CLOCK: variants seen among roughly 807,000 people sequenced by gnomAD.
CLOCK encodes the protein circadian locomoter output cycles protein kaput.
CLOCK carries 43 observed loss-of-function variants against 118.4 expected under a neutral mutation model. The ratio of observed to expected loss-of-function variants is 0.36; its 90% CI spans 0.28 to 0.47. CLOCK has a LOEUF of 0.47. Among genes scored for constraint, CLOCK ranks in the 20% least tolerant of loss-of-function variants. The pLI is 1.00. For missense variants in CLOCK, 846 were observed against 999.9 expected (o/e 0.85, Z 2.08); for synonymous variants, 326 against 339.2 (o/e 0.96, Z 0.43).
At chr4:55,499,930 C>T (rs1728327847) in intron 2 of CLOCK, among the ~76,000 whole-genome samples, 1 of 152,206 alleles carries the variant, frequency 6.6e-6, no homozygotes, top group Non-Finnish European at 1.5e-5. Context: ...CATGCTCCAG[C>T]TTCCAGAGTT....
chr4:55,483,598 T>G (rs1482464915), intron 3 of CLOCK, among the ~76,000 whole-genome samples: 2 of 152,052 alleles, frequency 1.3e-5, no homozygotes, highest in Non-Finnish European at 2.9e-5. Flanking sequence ...CAGAAACAGA[T>G]AATAGGTGAA....
chr4:55,525,294 C>T (rs1730110303), intron 1 of CLOCK, among the ~76,000 whole-genome samples: 1 of 152,228 alleles, frequency 6.6e-6, no homozygotes, highest in East Asian at 1.9e-4. Flanking sequence ...GCCACATACC[C>T]TGTTCTTTAG....
chr4:55,446,252 C>G (rs924995665), intron 18 of CLOCK, among the ~76,000 whole-genome samples: 3 of 151,970 alleles, frequency 2.0e-5, no homozygotes, highest in Admixed American at 2.0e-4. Context: ...TGCCACCATG[C>G]CCGGCTAATG....
intron 22 of CLOCK, among the ~76,000 whole-genome samples, chr4:55,436,216 T>C (rs1346540967): frequency 1.3e-5 from 2 of 152,164 alleles, no homozygotes; most frequent in African/African-American, 4.8e-5. Context: ...AAAAGCATCA[T>C]AAATATGAAG....
In CLOCK at chr4:55,478,895, G is replaced by A; in HGVS notation, c.176C>T (p.Ser59Phe). ...QFNVLIKELG[S>F]MLPGNARKMD... ...CTTTCTAGCATTACCAGGAAGCATG[G>A]ATCCCAGTTCTTTAATGAGAACATT... is the stretch of plus-strand genomic sequence containing the variant. The change falls in exon 6 of 23, where the codon TCC becomes TTC. Residue 59 changes from serine (S) to phenylalanine (F), a missense_variant. Around this residue, in one of 4 missense-constraint regions of CLOCK, gnomAD observed 246 missense variants for 300.2 expected, o/e 0.82. Coordinates refer to ENST00000513440, the MANE Select transcript of CLOCK (RefSeq NM_004898.4). The A allele has an allele frequency of 1.9e-6, 3 of 1,610,808 alleles. No homozygotes were observed. Among genetic ancestry groups the A allele is most frequent in the Non-Finnish European group, 2.5e-6 (3 of 1,177,898 alleles).
intron 14 of CLOCK, 30 bp downstream of exon 14, chr4:55,453,647 A>G (rs761816897): frequency 6.3e-7 from 1 of 1,591,268 alleles, no homozygotes; most frequent in South Asian, 1.1e-5. Context: ...ATGTTACAGT[A>G]ATTCAGAAAT....
At position 55,442,464 on chromosome 4, in the gene CLOCK, T is replaced by C. The variant is rs1002526271; in HGVS notation, c.2073A>G (p.Ala691=). The C allele has an allele frequency of 2.5e-6, 4 of 1,608,854 alleles. No homozygotes were observed. The highest frequency in any genetic ancestry group is 2.5e-6 in the Non-Finnish European group (3 of 1,179,008). Residue 691 remains alanine (A), a synonymous_variant, in exon 21 of 23, where the codon GCA becomes GCG. Transcript: ENST00000513440. Reference sequence around the variant, plus strand: ...GCCTGTCCTGAGTGAATGTAGTTACTGCAGCACTCTGGGTGCTGTTTTGTG... The same window carrying C: ...GCCTGTCCTGAGTGAATGTAGTTACCGCAGCACTCTGGGTGCTGTTTTGTG... ...SMPQNSTQSA[A]VTTFTQDRQI... is the part of the protein sequence containing the mutation.
chr4:55,449,641 G>A (rs1724246960), intron 16 of CLOCK, 145 bp from the exon 17 acceptor site: 2 of 688,848 alleles, frequency 2.9e-6, no homozygotes, highest in Non-Finnish European at 2.5e-6. Flanking sequence ...CATGACAGAT[G>A]ATTCAATGTA....
intron 1 of CLOCK, among the ~76,000 whole-genome samples, chr4:55,526,181 T>C (rs1270694389): frequency 1.3e-5 from 2 of 152,184 alleles, no homozygotes; most frequent in Non-Finnish European, 2.9e-5. Flanking sequence ...TTACAAAGCA[T>C]TTTCCTTGAC....
chr4:55,455,319 T>C (rs754563234), intron 13 of CLOCK, among the ~76,000 whole-genome samples: 1 of 152,208 alleles, frequency 6.6e-6, no homozygotes, highest in Non-Finnish European at 1.5e-5. Context: ...GGTGAATTAC[T>C]TAGCCTTACT....
chr4:55,518,157 A>G (rs73819626), intron 1 of CLOCK, among the ~76,000 whole-genome samples: 6,544 of 152,242 alleles, frequency 0.043, 449 homozygotes, highest in African/African-American at 0.15. Context: ...GGCAAAAATT[A>G]TAAGCTGACA....
Position 55,471,296 on chromosome 4 carries a change from G to A in CLOCK, c.349-490C>T, listed in dbSNP as rs539825631. ...AGCAGGAAATTAAGGTGAAAAATTA[G>A]GCTGAGTTCATATCATAAAAGGCTT... is the stretch of plus-strand genomic sequence containing the variant. On this transcript the variant is annotated intron_variant, in intron 7 of 22. Transcript: ENST00000513440. Among the ~76,000 whole-genome samples the A allele has an allele frequency of 5.5e-4, 84 of 152,242 alleles. 1 individual carries two copies. In the South Asian group the frequency reaches 0.017, roughly 31 times the overall value.
chr4:55,491,325 A>T (rs1180185522), intron 2 of CLOCK, among the ~76,000 whole-genome samples: 1 of 150,620 alleles, frequency 6.6e-6, no homozygotes, highest in Non-Finnish European at 1.5e-5. Flanking sequence ...AAGCCCATAG[A>T]GAGCAGAAGG....
At chr4:55,487,118 T>A (rs1727347674) in intron 3 of CLOCK, among the ~76,000 whole-genome samples, 1 of 152,202 alleles carries the variant, frequency 6.6e-6, no homozygotes, top group South Asian at 2.1e-4. Context: ...TTTCTTACTG[T>A]TTCTCGTTCA....
intron 14 of CLOCK, 85 bp downstream of exon 14, chr4:55,453,592 T>A (rs976194649): frequency 8.4e-7 from 1 of 1,187,818 alleles, no homozygotes; most frequent in African/African-American, 1.5e-5. Context: ...TTGTAGCTCT[T>A]TAACAACTTA....
intron 9 of CLOCK, among the ~76,000 whole-genome samples, chr4:55,461,539 G>A (rs541856378): frequency 1.3e-5 from 2 of 152,300 alleles, no homozygotes; most frequent in South Asian, 4.2e-4. Context: ...AAGATCTCTG[G>A]TTGTGTTTAA....
intron 3 of CLOCK, among the ~76,000 whole-genome samples, chr4:55,488,439 T>C (rs1361234935): frequency 6.6e-6 from 1 of 152,238 alleles, no homozygotes; most frequent in Non-Finnish European, 1.5e-5. Flanking sequence ...AAATGTCATA[T>C]ACTTAAAACA....
chr4:55,516,369 A>T (rs1729515737), intron 1 of CLOCK, among the ~76,000 whole-genome samples: 1 of 152,208 alleles, frequency 6.6e-6, no homozygotes, highest in Non-Finnish European at 1.5e-5. Flanking sequence ...ACATACTTAC[A>T]TGCTCCACTG....
chr4:55,432,349 G>C lies in CLOCK; in HGVS notation c.*3066C>G, dbSNP rs1047917523. On this transcript the variant is annotated 3_prime_UTR_variant, in exon 23 of 23. Transcript: ENST00000513440. ...TGACTCTCCCAAAACTATGATAACT[G>C]CAAGTCCAAAGCACGGTAACTGCAG... 1 of 151,914 alleles carries C rather than the reference G, an allele frequency of 6.6e-6. No individual in the cohort carries two copies. The highest frequency in any genetic ancestry group is 2.4e-5 in the African/African-American group (1 of 41,342). The allele number at this position is 151,914 out of a possible 1,614,324, so 9.4% of individuals were successfully genotyped here. A position where few individuals can be genotyped will look rare whatever the true frequency, so the allele number is the denominator to read the frequency against.
Sources: gnomAD v4.1 joint callset for allele counts (sites outside exome capture counted in the v4.1 genomes callset) on GRCh38, gnomAD v4.1.1 for gene constraint, gnomAD v4.1.1 regional missense constraint, MANE v1.5 for transcripts, NCBI Gene and HGNC (gene_info 2026-07-23, HGNC 2026-07-21) for gene names.